The following PLCE1 variants were observed in gnomAD, a reference collection of about 807,000 sequenced individuals.
PLCE1 encodes phospholipase C epsilon 1.
A neutral mutation model predicts 242.8 loss-of-function variants in PLCE1; 119 were observed. That is an observed-to-expected ratio of 0.49 (90% CI 0.42 to 0.57). The LOEUF (loss-of-function observed/expected upper bound fraction) is 0.57. Among genes scored for constraint, PLCE1 ranks in the 20% least tolerant of loss-of-function variants. The probability of loss-of-function intolerance (pLI) is 0.00; values close to 1 mark genes in which losing one functional copy is unlikely to be tolerated. For missense variants in PLCE1, 2,441 were observed against 2,788.8 expected (o/e 0.88, Z 2.81); for synonymous variants, 945 against 1,017.4 (o/e 0.93, Z 1.35).
chr10:94,325,036 G>GT lies in PLCE1; in HGVS notation c.6866dup (p.Gly2291TrpfsTer6), dbSNP rs2053959371. The GT allele has an allele frequency of 1.9e-6, 3 of 1,614,078 alleles. No individual in the cohort carries two copies. The South Asian group carries it at 3.3e-5, about 18-fold the overall frequency. ...TATCCAAACCAAGGAGGAGAAACCTGTGGGTGGCTTGTCCTCCAGTGACAC... is the reference window on the plus strand; with the variant it reads ...TATCCAAACCAAGGAGGAGAAACCTGTTGGGTGGCTTGTCCTCCAGTGACAC... On this transcript the variant is annotated frameshift_variant, in exon 32 of 33. Coordinates refer to ENST00000371380, the MANE Select transcript of PLCE1 (RefSeq NM_016341.4). LOFTEE classifies it high-confidence loss of function.
chr10:94,223,503 G>A (rs1299034949), intron 4 of PLCE1, among the ~76,000 whole-genome samples: 1 of 152,204 alleles, frequency 6.6e-6, no homozygotes, highest in African/African-American at 2.4e-5. Context: ...AAATGAGCAT[G>A]TGTGACACCA....
intron 2 of PLCE1, among the ~76,000 whole-genome samples, chr10:94,033,423 A>C (rs572206510): frequency 6.6e-6 from 1 of 152,098 alleles, no homozygotes; most frequent in Non-Finnish European, 1.5e-5. Context: ...ACATTTTAGG[A>C]TATCTATCAC....
chr10:94,255,878 TCACA>T (rs1206355849), intron 11 of PLCE1, among the ~76,000 whole-genome samples: 7 of 66,748 alleles, frequency 1.0e-4, no homozygotes, highest in Admixed American at 2.0e-4. Context: ...TTACTTTATC[TCACA>T]CACACACACA....
chr10:94,050,754 G>A lies in PLCE1; in HGVS notation c.1206+18502G>A, dbSNP rs112907382. 6.6e-3 allele frequency among the ~76,000 whole-genome samples: 999 copies of A among 152,094 alleles called. 13 individuals are homozygous for A. The highest frequency in any genetic ancestry group is 0.023 in the African/African-American group (956 of 41,480). On this transcript the variant is annotated intron_variant, in intron 2 of 32. Coordinates refer to ENST00000371380, the MANE Select transcript of PLCE1 (RefSeq NM_016341.4). ...ATCTAGCACATATGAATTAAGAGAA[G>A]TTTTTCCTAAACATGTAAACACTGA...
At chr10:94,262,826 C>A in intron 14 of PLCE1, 94 bp downstream of exon 14, 1 of 947,452 alleles carries the variant, frequency 1.1e-6, no homozygotes, top group Non-Finnish European at 1.7e-6. Flanking sequence ...TACTTCTTTC[C>A]AAAGCCTTTA....
chr10:94,158,636 T>C (rs550475216), intron 3 of PLCE1, among the ~76,000 whole-genome samples: 1 of 152,170 alleles, frequency 6.6e-6, no homozygotes, highest in East Asian at 1.9e-4. Context: ...GTTGTAAATA[T>C]AAGAGCCATC....
rs116128174 is a variant in PLCE1, at chr10:94,067,948, A to G, written c.1206+35696A>G. On this transcript the variant is annotated intron_variant, in intron 2 of 32. Coordinates refer to ENST00000371380, the MANE Select transcript of PLCE1 (RefSeq NM_016341.4). ...AACATGCAAACAGAAGTTACATAGC[A>G]TGGTTTCTAACCAGCACTCCTAAGA... is the stretch of plus-strand genomic sequence containing the variant. 5.2e-3 allele frequency among the ~76,000 whole-genome samples: 787 copies of G among 152,214 alleles called. 12 individuals are homozygous for G. Among genetic ancestry groups the G allele is most frequent in the African/African-American group, 0.018 (748 of 41,526 alleles).
intron 1 of PLCE1, among the ~76,000 whole-genome samples, chr10:94,014,533 A>C (rs1398718519): frequency 6.6e-6 from 1 of 152,004 alleles, no homozygotes; most frequent in Non-Finnish European, 1.5e-5. Flanking sequence ...AATAAAGTGT[A>C]CAGTTCCGTG....
chr10:94,322,022 C>T lies in PLCE1; in HGVS notation c.6464C>T (p.Ala2155Val). ...GAGCAACCTCGAACAGTCATCAAAG[C>T]ACCCCGCGTCAGCACTGCACAGGAT... The part of the protein sequence containing the change: ...SPEQPRTVIK[A>V]PRVSTAQDVI... The change falls in exon 30 of 33, where the codon GCA becomes GTA. Residue 2155 changes from alanine to valine, a missense_variant. Physicochemically the swap from Ala to Val is moderately conservative, Grantham distance 64. This residue lies in a region of PLCE1 where 310 missense variants were observed against 317.2 expected (regional missense o/e 0.98). Transcript: ENST00000371380. The T allele has an allele frequency of 1.2e-6, 2 of 1,614,118 alleles. No individual in the cohort carries two copies. Among genetic ancestry groups the T allele is most frequent in the South Asian group, 1.1e-5 (1 of 91,082 alleles).
Position 94,255,185 on chromosome 10 carries a change from C to T in PLCE1, c.3554+136C>T, listed in dbSNP as rs7089912. ...AGTTGAACTGAAAACTGAAAAATCC[C>T]AAAATTTTAAATGATCCTAATTCTC... is the stretch of plus-strand genomic sequence containing the variant. On this transcript the variant is annotated intron_variant, in intron 11 of 32. Transcript: ENST00000371380. 1,783 of 1,051,216 alleles carry T rather than the reference C, an allele frequency of 1.7e-3. 16 individuals carry two copies. The African/African-American group carries it at 0.023, about 14-fold the overall frequency. The allele number at this position is 1,051,216 out of a possible 1,614,324, so 65.1% of individuals were successfully genotyped here.
intron 3 of PLCE1, among the ~76,000 whole-genome samples, chr10:94,168,745 A>T (rs966601375): frequency 3.9e-5 from 6 of 152,122 alleles, no homozygotes; most frequent in Non-Finnish European, 8.8e-5. Context: ...TAGAGAAGTG[A>T]CTGGAGTTAT....
rs1322705066 is a variant in PLCE1, at chr10:94,329,867, A to G, written c.*1924A>G. The G allele has an allele frequency of 1.3e-5, 2 of 150,942 alleles. No homozygotes were observed. Among genetic ancestry groups the G allele is most frequent in the African/African-American group, 2.4e-5 (1 of 41,178 alleles). 9.4% of individuals were successfully genotyped at this position (150,942 alleles called of 1,614,324 possible). On this transcript the variant is annotated 3_prime_UTR_variant, in exon 33 of 33. Transcript: ENST00000371380. ...CTTACTGGGTCAAAGCCTTAAGGCT[A>G]GAACTACCATTTTCTTGTCAACAGA... is the stretch of plus-strand genomic sequence containing the variant.
At chr10:94,071,360 C>G (rs1024948564) in intron 2 of PLCE1, among the ~76,000 whole-genome samples, 1 of 152,098 alleles carries the variant, frequency 6.6e-6, no homozygotes, top group Non-Finnish European at 1.5e-5. Context: ...TCTTACTCCC[C>G]GCACATTCCA....
intron 1 of PLCE1, among the ~76,000 whole-genome samples, chr10:94,020,948 G>A (rs1189342907): frequency 6.6e-6 from 1 of 152,082 alleles, no homozygotes; most frequent in Non-Finnish European, 1.5e-5. Context: ...TCGTGCCTCA[G>A]CCTCCTGAGT....
chr10:94,239,047 T>C (rs1470498176), intron 7 of PLCE1, among the ~76,000 whole-genome samples: 2 of 152,162 alleles, frequency 1.3e-5, no homozygotes, highest in Non-Finnish European at 2.9e-5. Flanking sequence ...AAACTGGAAA[T>C]GACAATACTA....
At chr10:94,043,596 T>C (rs1459421873) in intron 2 of PLCE1, among the ~76,000 whole-genome samples, 3 of 152,194 alleles carry the variant, frequency 2.0e-5, no homozygotes, top group East Asian at 1.9e-4. Context: ...TTTTTCCAGA[T>C]TTTTGTACCC....
intron 2 of PLCE1, among the ~76,000 whole-genome samples, chr10:94,060,285 A>G (rs566827495): frequency 2.6e-5 from 4 of 152,284 alleles, no homozygotes; most frequent in African/African-American, 9.6e-5. Context: ...TGGATACTGT[A>G]CTAAAGGCAC....
intron 2 of PLCE1, among the ~76,000 whole-genome samples, chr10:94,115,232 G>A (rs2046086669): frequency 6.6e-6 from 1 of 152,146 alleles, no homozygotes; most frequent in African/African-American, 2.4e-5. Flanking sequence ...AAACATACGT[G>A]TGCATGTGTC....
chr10:94,239,276 G>A (rs900720896), intron 7 of PLCE1, among the ~76,000 whole-genome samples: 1 of 152,206 alleles, frequency 6.6e-6, no homozygotes, highest in Admixed American at 6.5e-5. Context: ...GAGACCAGGT[G>A]GAGGTAATTG....
Sources: allele counts gnomAD v4.1 joint callset (sites outside exome capture counted in the v4.1 genomes callset), GRCh38; gene constraint gnomAD v4.1.1; regional missense constraint gnomAD v4.1.1; transcripts MANE v1.5; gene names NCBI Gene and HGNC (gene_info 2026-07-23, HGNC 2026-07-21).